The following RXFP1 variants were observed in gnomAD, a reference collection of about 807,000 sequenced individuals.
RXFP1 encodes the protein relaxin receptor 1.
RXFP1 carries 73 observed loss-of-function variants against 89.8 expected under a neutral mutation model. The observed-to-expected ratio is 0.81, with a 90% CI of 0.67 to 0.99. RXFP1 has a LOEUF of 0.99. Among genes scored for constraint, RXFP1 ranks in the 50% least tolerant of loss-of-function variants. The pLI, the probability that RXFP1 is intolerant of heterozygous loss-of-function variation, is 0.00. For synonymous variants in RXFP1, 277 were observed against 305.5 expected (o/e 0.91, Z 0.97); for missense variants, 793 against 895.5 (o/e 0.89, Z 1.46).
chr4:158,536,623 G>A (rs1027203520), intron 1 of RXFP1, among the ~76,000 whole-genome samples: 10 of 152,028 alleles, frequency 6.6e-5, no homozygotes, highest in Admixed American at 5.2e-4. Flanking sequence ...CTTAAAATAG[G>A]CTCTTTTTGC....
chr4:158,640,914 C>A (rs1770251884), intron 14 of RXFP1, among the ~76,000 whole-genome samples: 1 of 152,196 alleles, frequency 6.6e-6, no homozygotes, highest in African/African-American at 2.4e-5. Context: ...TTTGAAACAT[C>A]TTTTATTCAA....
intron 1 of RXFP1, among the ~76,000 whole-genome samples, chr4:158,555,973 A>G (rs1365397891): frequency 6.6e-6 from 1 of 152,216 alleles, no homozygotes; most frequent in Non-Finnish European, 1.5e-5. Flanking sequence ...AAACTATGAA[A>G]CTACTAGAAG....
At chr4:158,574,710 G>A (rs1241999991) in intron 2 of RXFP1, among the ~76,000 whole-genome samples, 1 of 152,080 alleles carries the variant, frequency 6.6e-6, no homozygotes, top group Non-Finnish European at 1.5e-5. Flanking sequence ...TTCTCTTACT[G>A]TATGATAATA....
chr4:158,547,190 T>G (rs921020503), intron 1 of RXFP1, among the ~76,000 whole-genome samples: 23 of 152,094 alleles, frequency 1.5e-4, no homozygotes, highest in African/African-American at 4.6e-4. Flanking sequence ...GGGTGTATGT[T>G]TTGAGGAATT....
rs1473053239 is a variant in RXFP1 at position 158,560,907 on chromosome 4, CT to C, written c.50-11788del. Among the ~76,000 whole-genome samples, 5 of 152,178 alleles carry C rather than the reference CT, an allele frequency of 3.3e-5. No individual in the cohort carries two copies. In the East Asian group the frequency reaches 9.6e-4, roughly 29 times the overall value. On this transcript the variant is annotated intron_variant, in intron 1 of 17. Transcript: ENST00000307765. The stretch of plus-strand genomic sequence containing the variant: ...GCCAGCTGGGAAAGAAAGTATTTTG[CT>C]TTCCAACTTCTTTAACGGAAGGGCA...
In RXFP1 at chr4:158,597,076, T is replaced by C. The variant is rs1480190974; in HGVS notation, c.287-2250T>C. ...GGGTAGTGCAGCTAACGACTAAATA[T>C]ATGTTTCAAACTTGAAAACAGTGTA... On this transcript the variant is annotated intron_variant, in intron 3 of 17. Coordinates refer to ENST00000307765, the MANE Select transcript of RXFP1 (RefSeq NM_021634.4). 3.9e-5 allele frequency among the ~76,000 whole-genome samples: 6 copies of C among 152,218 alleles called. No individual in the cohort carries two copies. The South Asian group carries it at 1.2e-3, about 32-fold the overall frequency.
chr4:158,602,834 A>G (rs1761941155), intron 4 of RXFP1, among the ~76,000 whole-genome samples: 1 of 152,168 alleles, frequency 6.6e-6, no homozygotes, highest in Non-Finnish European at 1.5e-5. Context: ...GCTCACTGCA[A>G]CCTCTGTCTC....
At chr4:158,593,350 C>A in intron 2 of RXFP1, 51 bp from the exon 3 acceptor site, 1 of 1,139,948 alleles carries the variant, frequency 8.8e-7, no homozygotes, top group Non-Finnish European at 1.3e-6. Context: ...CCACAATATA[C>A]CAGAATATCT....
chr4:158,552,306 A>AAAT (rs1750328732), intron 1 of RXFP1, among the ~76,000 whole-genome samples: 3 of 152,254 alleles, frequency 2.0e-5, no homozygotes, highest in Non-Finnish European at 4.4e-5. Flanking sequence ...AATTTGAGAC[A>AAAT]GATGCTAGAA....
chr4:158,601,987 G>A (rs1278349169), intron 4 of RXFP1, among the ~76,000 whole-genome samples: 2 of 152,096 alleles, frequency 1.3e-5, no homozygotes, highest in African/African-American at 2.4e-5. Flanking sequence ...ATAAAAACTA[G>A]AGCTAGCTTT....
intron 1 of RXFP1, among the ~76,000 whole-genome samples, chr4:158,554,017 A>G (rs987081486): frequency 6.6e-6 from 1 of 152,076 alleles, no homozygotes; most frequent in Non-Finnish European, 1.5e-5. Flanking sequence ...TGCCCTGTGC[A>G]TTGAAGAATT....
chr4:158,564,094 T>C (rs1753072242), intron 1 of RXFP1, among the ~76,000 whole-genome samples: 1 of 152,016 alleles, frequency 6.6e-6, no homozygotes, highest in Non-Finnish European at 1.5e-5. Flanking sequence ...ATTTACAGCC[T>C]TTAGGAGTCA....
Position 158,594,044 on chromosome 4 carries a change from A to G in RXFP1, c.286+545A>G, listed in dbSNP as rs78054048. Among the ~76,000 whole-genome samples, 1,502 of 152,358 alleles carry G rather than the reference A, an allele frequency of 9.9e-3. 26 individuals carry two copies. Among genetic ancestry groups the G allele is most frequent in the African/African-American group, 0.034 (1,432 of 41,576 alleles). On this transcript the variant is annotated intron_variant, in intron 3 of 17. Coordinates refer to ENST00000307765, the MANE Select transcript of RXFP1 (RefSeq NM_021634.4). ...TATTTTAGATCAGAAAGATATATGA[A>G]AATAACTCCTCTTAAATAAATTTTG...
intron 2 of RXFP1, among the ~76,000 whole-genome samples, chr4:158,577,947 A>G (rs1756585292): frequency 6.6e-6 from 1 of 152,192 alleles, no homozygotes; most frequent in African/African-American, 2.4e-5. Context: ...AAAATAAAAT[A>G]TTTCAGCACA....
At chr4:158,533,140 A>G (rs1447197186) in intron 1 of RXFP1, among the ~76,000 whole-genome samples, 1 of 152,204 alleles carries the variant, frequency 6.6e-6, no homozygotes, top group African/African-American at 2.4e-5. Flanking sequence ...TTAATGTTCA[A>G]GACCAATATG....
intron 9 of RXFP1, among the ~76,000 whole-genome samples, chr4:158,620,541 A>G (rs1490434834): frequency 2.0e-5 from 3 of 152,198 alleles, no homozygotes; most frequent in Non-Finnish European, 2.9e-5. Flanking sequence ...AAAGAAAAGT[A>G]TCTTAAGGCA....
rs144190972 is a variant in RXFP1 at position 158,628,269 on chromosome 4, G to A, written c.828-369G>A. ...GTAACAAATGAGTAGGAGTGCTGTG[G>A]TGGGTGGGCTATTTTGTTAGACAGT... On this transcript the variant is annotated intron_variant, in intron 10 of 17. Coordinates refer to ENST00000307765, the MANE Select transcript of RXFP1 (RefSeq NM_021634.4). Among the ~76,000 whole-genome samples, 484 of 152,286 alleles carry A rather than the reference G, an allele frequency of 3.2e-3. 2 individuals are homozygous for A. The highest frequency in any genetic ancestry group is 8.6e-3 in the Admixed American group (131 of 15,292).
intron 1 of RXFP1, among the ~76,000 whole-genome samples, chr4:158,522,555 T>C (rs953837421): frequency 6.6e-6 from 1 of 152,274 alleles, no homozygotes; most frequent in African/African-American, 2.4e-5. Context: ...ATGAAAAACA[T>C]AGGCACAAAA....
At chr4:158,617,029 A>T in intron 8 of RXFP1, 102 bp from the exon 9 acceptor site, 3 of 735,558 alleles carry the variant, frequency 4.1e-6, no homozygotes, top group Non-Finnish European at 6.5e-6. Flanking sequence ...CAACTAATTT[A>T]GTGGATTTGT....
Sources: gnomAD v4.1 joint callset for allele counts (sites outside exome capture counted in the v4.1 genomes callset) on GRCh38, gnomAD v4.1.1 for gene constraint, MANE v1.5 for transcripts, NCBI Gene and HGNC (gene_info 2026-07-23, HGNC 2026-07-21) for gene names.